Variants in TTPAL observed in about 807,000 individuals in gnomAD.
TTPAL encodes the protein alpha tocopherol transfer protein like.
In TTPAL, 21 loss-of-function variants were observed where a neutral mutation model predicts 28.7. The observed-to-expected ratio is 0.73, with a 90% CI of 0.52 to 1.06. TTPAL has a LOEUF of 1.06. TTPAL is among the 50% of genes least tolerant of loss of function. The probability of loss-of-function intolerance (pLI) is 0.00; values close to 1 mark genes in which losing one functional copy is unlikely to be tolerated. For synonymous variants in TTPAL, 169 were observed against 171.9 expected (o/e 0.98, Z 0.13); for missense variants, 345 against 425.5 (o/e 0.81, Z 1.67).
chr20:44,477,604 G>C (rs1281707536), intron 1 of TTPAL, among the ~76,000 whole-genome samples: 3 of 151,848 alleles, frequency 2.0e-5, no homozygotes, highest in Non-Finnish European at 4.4e-5. Context: ...CAGCAGATTG[G>C]TCCTTTTAAA....
intron 3 of TTPAL, among the ~76,000 whole-genome samples, chr20:44,485,045 G>A (rs957219414): frequency 5.9e-5 from 9 of 152,138 alleles, no homozygotes; most frequent in South Asian, 2.1e-4. Flanking sequence ...CCCAGGAGGC[G>A]GAGGTTGCAG....
Position 44,480,833 on chromosome 20 carries a change from T to A in TTPAL, c.445+389T>A, listed in dbSNP as rs537907973. Among the ~76,000 whole-genome samples the A allele has an allele frequency of 6.6e-6, 1 of 152,250 alleles. No homozygotes were observed. The highest frequency in any genetic ancestry group is 1.5e-5 in the Non-Finnish European group (1 of 68,042). On this transcript the variant is annotated intron_variant, in intron 2 of 4. Transcript: ENST00000262605. This position sits in a 1 kb window ranked among gnomAD's most constrained non-coding sequence, Gnocchi z 4.1. ...TTTCTGTGTATGGCTGTCCCGCTCC[T>A]GTGCACGTAGTTAAATCTGGCACCC...
chr20:44,486,176 G>A (rs1474039337), intron 3 of TTPAL: 1 of 118,964 alleles, frequency 8.4e-6, no homozygotes, highest in Non-Finnish European at 1.7e-5. Flanking sequence ...CACCTCCAGG[G>A]TTCAAGCAGT....
rs756542179 is a variant in TTPAL, at chr20:44,486,716, G to C, written c.750+10G>C. The C allele has an allele frequency of 1.4e-6, 2 of 1,468,890 alleles. No homozygotes were observed. The highest frequency in any genetic ancestry group is 1.9e-5 in the Admixed American group (1 of 53,842). The allele number at this position is 1,468,890 out of a possible 1,614,324, so 91.0% of individuals were successfully genotyped here. On this transcript the variant is annotated intron_variant, in intron 4 of 4. Coordinates refer to ENST00000262605, the MANE Select transcript of TTPAL (RefSeq NM_001039199.3). ...GAAAATAGCAAACAGAGTAAGTGAT[G>C]ATCCTATTGACTTCAGATTTTTCTT...
At chr20:44,479,398 TG>T (rs2064078711) in intron 1 of TTPAL, among the ~76,000 whole-genome samples, 7 of 131,424 alleles carry the variant, frequency 5.3e-5, no homozygotes, top group Non-Finnish European at 1.1e-4. Context: ...GAATCTGAGT[TG>T]TTTTTTTTTT....
Position 44,490,344 on chromosome 20 carries a change from C to T in TTPAL, c.*803C>T, listed in dbSNP as rs1417792195. The T allele has an allele frequency of 6.6e-6, 1 of 152,226 alleles. No individual in the cohort carries two copies. The highest frequency in any genetic ancestry group is 2.4e-5 in the African/African-American group (1 of 41,404). 9.4% of individuals were successfully genotyped at this position (152,226 alleles called of 1,614,324 possible). On this transcript the variant is annotated 3_prime_UTR_variant, in exon 5 of 5. Coordinates refer to ENST00000262605, the MANE Select transcript of TTPAL (RefSeq NM_001039199.3). ...AGCTATAAGAATTCTGGCCTGGATC[C>T]CAGGTGTACAACTATGGACAAGATA...
rs1443458008 is a variant in TTPAL at position 44,492,420 on chromosome 20, T to G, written c.*2879T>G. On this transcript the variant is annotated 3_prime_UTR_variant, in exon 5 of 5. Transcript: ENST00000262605. ...GTCGGAAGGAAATGGGACAGTAAAT[T>G]AGGAGACGCGGGCTCCACCTTTACC... 1 of 152,294 alleles carries G rather than the reference T, an allele frequency of 6.6e-6. No individual in the cohort carries two copies. The highest frequency in any genetic ancestry group is 2.4e-5 in the African/African-American group (1 of 41,424). The allele number at this position is 152,294 out of a possible 1,614,324, so 9.4% of individuals were successfully genotyped here.
In TTPAL at chr20:44,486,593, C is replaced by T. The variant is rs768512562; in HGVS notation, c.640-3C>T. 1 of 1,591,336 alleles carries T rather than the reference C, an allele frequency of 6.3e-7. No individual in the cohort carries two copies. Among genetic ancestry groups the T allele is most frequent in the Non-Finnish European group, 8.6e-7 (1 of 1,164,044 alleles). On this transcript the variant is annotated splice_region_variant and splice_polypyrimidine_tract_variant and intron_variant, in intron 3 of 4. Coordinates refer to ENST00000262605, the MANE Select transcript of TTPAL (RefSeq NM_001039199.3). ...TCTAAACCCCTTTGCCTTTCCCACA[C>T]AGGATGGTTTCCCCATTCGGATAAA...
chr20:44,480,292 T>A lies in TTPAL; in HGVS notation c.293T>A (p.Leu98His). The change falls in exon 2 of 5, where the codon CTC becomes CAC. Residue 98 changes from leucine to histidine, a missense_variant. Coordinates refer to ENST00000262605, the MANE Select transcript of TTPAL (RefSeq NM_001039199.3). This position sits in a 1 kb window ranked among gnomAD's most constrained non-coding sequence, Gnocchi z 4.1. ...TTTGATTACGACCGGGCCCTGCAGC[T>A]CCTCGTCAACTACCACAGCTGTAGA... ...RKFDYDRALQ[L>H]LVNYHSCRRS... The A allele has an allele frequency of 6.2e-7, 1 of 1,614,134 alleles. No homozygotes were observed. The highest frequency in any genetic ancestry group is 8.5e-7 in the Non-Finnish European group (1 of 1,180,030).
At chr20:44,484,746 A>T (rs1310818612) in intron 3 of TTPAL, among the ~76,000 whole-genome samples, 1 of 152,246 alleles carries the variant, frequency 6.6e-6, no homozygotes, top group Admixed American at 6.5e-5. Context: ...CTTCAGTAAG[A>T]CAAGAGTCCA....
Position 44,489,827 on chromosome 20 carries a change from T to TG in TTPAL, c.*292dup, listed in dbSNP as rs1267126899. On this transcript the variant is annotated 3_prime_UTR_variant, in exon 5 of 5. Transcript: ENST00000262605. The stretch of plus-strand genomic sequence containing the variant: ...TATCTATTTTGTTTTGCTTTTTGGT[T>TG]GGGGGGTGGTGATCTGGTTCTTACA... The TG allele has an allele frequency of 8.3e-6, 3 of 361,880 alleles. No individual in the cohort carries two copies. Among genetic ancestry groups the TG allele is most frequent in the Non-Finnish European group, 5.0e-6 (1 of 198,114 alleles). The allele number at this position is 361,880 out of a possible 1,614,324, so 22.4% of individuals were successfully genotyped here.
chr20:44,476,628 C>A (rs1322992237), intron 1 of TTPAL, among the ~76,000 whole-genome samples: 1 of 152,212 alleles, frequency 6.6e-6, no homozygotes, highest in Non-Finnish European at 1.5e-5. Context: ...TTTTGTCCTC[C>A]TTTGTAAAAT....
At chr20:44,484,203 A>T in intron 2 of TTPAL, 134 bp from the exon 3 acceptor site, 1 of 577,606 alleles carries the variant, frequency 1.7e-6, no homozygotes, top group Non-Finnish European at 2.8e-6. Context: ...TACTAACCTA[A>T]ATAAGAGTCA....
At chr20:44,479,461 C>T (rs1455300266) in intron 1 of TTPAL, among the ~76,000 whole-genome samples, 2 of 139,238 alleles carry the variant, frequency 1.4e-5, no homozygotes, top group East Asian at 2.1e-4. Context: ...TGCAGCAGCG[C>T]CATCTCGGCT....
chr20:44,480,247 G>A lies in TTPAL; in HGVS notation c.248G>A (p.Arg83His), dbSNP rs368005756. The A allele has an allele frequency of 1.9e-6, 3 of 1,613,996 alleles. No individual in the cohort carries two copies. Among genetic ancestry groups the A allele is most frequent in the East Asian group, 2.2e-5 (1 of 44,890 alleles). ...STSLDDAFLL[R>H]FLRARKFDYD... ...TCCCTCGACGATGCCTTCCTGCTGC[G>A]CTTCCTCCGAGCCCGCAAGTTTGAT... The change falls in exon 2 of 5, where the codon CGC (arginine) becomes CAC (histidine). Residue 83 changes from arginine to histidine, a missense_variant. Transcript: ENST00000262605. This position sits in a 1 kb window ranked among gnomAD's most constrained non-coding sequence, Gnocchi z 4.1.
intron 1 of TTPAL, among the ~76,000 whole-genome samples, chr20:44,479,503 A>G (rs908939189): frequency 6.7e-5 from 10 of 149,732 alleles, no homozygotes; most frequent in Non-Finnish European, 1.2e-4. Flanking sequence ...GGTTCAAGCA[A>G]TTATCCTGCC....
At chr20:44,477,154 G>A (rs969260941) in intron 1 of TTPAL, among the ~76,000 whole-genome samples, 1 of 152,178 alleles carries the variant, frequency 6.6e-6, no homozygotes, top group African/African-American at 2.4e-5. Context: ...CATCAAGGTG[G>A]GGTGCGATGG....
chr20:44,485,925 A>C (rs1248198161), intron 3 of TTPAL: 1 of 152,190 alleles, frequency 6.6e-6, no homozygotes, highest in Non-Finnish European at 1.5e-5. Context: ...TCTCAAACTC[A>C]TTTGCCTGCT....
At chr20:44,484,288 TTATTTA>T (rs1346105875) in intron 2 of TTPAL, 43 bp from the exon 3 acceptor site, 14 of 1,281,552 alleles carry the variant, frequency 1.1e-5, no homozygotes, top group Non-Finnish European at 1.5e-5. Flanking sequence ...GTTTGACCAC[TTATTTA>T]TATTAACTTC....
Sources: gnomAD v4.1 joint callset for allele counts (sites outside exome capture counted in the v4.1 genomes callset) on GRCh38, gnomAD v4.1.1 for gene constraint, Gnocchi (gnomAD v3.1) non-coding constraint, MANE v1.5 for transcripts, NCBI Gene and HGNC (gene_info 2026-07-23, HGNC 2026-07-21) for gene names.